Variants in SEC24A observed in about 807,000 individuals in gnomAD.
SEC24A encodes the protein SEC24 homolog A, COPII component, also known as protein transport protein Sec24A.
In SEC24A, 93 loss-of-function variants were observed where a neutral mutation model predicts 129.4. That is an observed-to-expected ratio of 0.72 (90% CI 0.61 to 0.85). The LOEUF (loss-of-function observed/expected upper bound fraction) is 0.85, where lower values mean the gene tolerates loss of function less well. SEC24A is among the 40% of genes least tolerant of loss of function. The probability of loss-of-function intolerance (pLI) is 0.00; values close to 1 mark genes in which losing one functional copy is unlikely to be tolerated. For missense variants in SEC24A, 1,264 were observed against 1,307.4 expected, an observed-to-expected ratio of 0.97 and a Z score of 0.51; for synonymous variants, 460 against 467.3, an observed-to-expected ratio of 0.98 and a Z score of 0.20.
intron 1 of SEC24A, among the ~76,000 whole-genome samples, chr5:134,658,699 C>T (rs1750334644): frequency 1.3e-5 from 2 of 152,112 alleles, no homozygotes; most frequent in Admixed American, 1.3e-4. Context: ...AGCCACCATG[C>T]CCAACCTCTA....
chr5:134,695,539 C>G (rs1290325732), intron 13 of SEC24A, among the ~76,000 whole-genome samples: 1 of 152,138 alleles, frequency 6.6e-6, no homozygotes, highest in Admixed American at 6.5e-5. Flanking sequence ...GTAATTCCAG[C>G]ACTTTGGGAG....
At chr5:134,707,312 C>T (rs1441527933) in intron 17 of SEC24A, among the ~76,000 whole-genome samples, 1 of 151,852 alleles carries the variant, frequency 6.6e-6, no homozygotes, top group African/African-American at 2.4e-5. Flanking sequence ...ATTTGAAGAT[C>T]ACTGCCTTTA....
chr5:134,657,249 C>G (rs561961380), intron 1 of SEC24A, among the ~76,000 whole-genome samples: 3 of 151,234 alleles, frequency 2.0e-5, no homozygotes, highest in South Asian at 2.1e-4. Context: ...TAGGGACTTG[C>G]TATTGCCCAG....
chr5:134,681,658 G>A (rs1239866626), intron 8 of SEC24A, among the ~76,000 whole-genome samples: 1 of 151,998 alleles, frequency 6.6e-6, no homozygotes, highest in African/African-American at 2.4e-5. Context: ...GCTATTTCCT[G>A]AACTATAGCT....
chr5:134,662,818 A>G (rs1034371476), intron 2 of SEC24A, among the ~76,000 whole-genome samples: 3 of 152,146 alleles, frequency 2.0e-5, no homozygotes, highest in East Asian at 1.9e-4. Context: ...GTGAGCATCA[A>G]TCACTTGAAA....
intron 1 of SEC24A, among the ~76,000 whole-genome samples, chr5:134,653,007 A>G (rs1315098975): frequency 1.3e-5 from 2 of 149,260 alleles, no homozygotes; most frequent in Non-Finnish European, 3.0e-5. Flanking sequence ...GCGTTTCACC[A>G]TATTAGCTAG....
chr5:134,716,797 T>G (rs1427806996), intron 19 of SEC24A, among the ~76,000 whole-genome samples: 1 of 123,742 alleles, frequency 8.1e-6, no homozygotes, highest in Non-Finnish European at 1.6e-5. Context: ...CAAGATTCCA[T>G]CTCAAAAAAA....
rs1024650435 is a variant in SEC24A, at chr5:134,661,069, G to A, written c.98-50G>A. On this transcript the variant is annotated intron_variant, in intron 1 of 22. Coordinates refer to ENST00000398844, the MANE Select transcript of SEC24A (RefSeq NM_021982.3). ...TATATGTTTTACTTTATTTCTTAAA[G>A]TATTGCTATATTCGTTGGTAAGACT... 3.3e-6 allele frequency: 4 copies of A among 1,214,394 alleles called. No homozygotes were observed. In the East Asian group the frequency reaches 9.4e-5, roughly 28 times the overall value. The allele number at this position is 1,214,394 out of a possible 1,614,324, so 75.2% of individuals were successfully genotyped here.
intron 2 of SEC24A, among the ~76,000 whole-genome samples, chr5:134,661,809 A>G (rs1197516364): frequency 7.2e-6 from 1 of 138,726 alleles, no homozygotes; most frequent in Middle Eastern, 3.3e-3. Context: ...TTTTTTTTTC[A>G]TTCTTTTTTC....
intron 12 of SEC24A, chr5:134,693,365 G>A (rs1389653154): frequency 2.2e-6 from 3 of 1,359,740 alleles, no homozygotes; most frequent in South Asian, 1.7e-5. Context: ...AGCTAAACTC[G>A]CTTTGGAACT....
chr5:134,723,934 T>C (rs1752690891), intron 22 of SEC24A, among the ~76,000 whole-genome samples: 1 of 152,198 alleles, frequency 6.6e-6, no homozygotes, highest in Admixed American at 6.5e-5. Flanking sequence ...CTAATTAACA[T>C]ATTCATCTTC....
At position 134,705,341 on chromosome 5, in the gene SEC24A, C is replaced by T. The variant is rs925687618; in HGVS notation, c.2455C>T (p.Arg819Cys). 8.1e-6 allele frequency: 13 copies of T among 1,612,270 alleles called. No homozygotes were observed. Among genetic ancestry groups the T allele is most frequent in the Non-Finnish European group, 5.1e-6 (6 of 1,178,928 alleles). The stretch of plus-strand genomic sequence containing the variant: ...TTTCCCCAAAGGCGAAAGAAGAATT[C>T]GTGTTCATACTTTGTGTTTGCCAGT... ...YTSSKGERRI[R>C]VHTLCLPVVS... is the part of the protein sequence containing the mutation. The change falls in exon 17 of 23, where the codon CGT (arginine) becomes TGT (cysteine). Residue 819 changes from arginine (R) to cysteine (C), a missense_variant. Coordinates refer to ENST00000398844, the MANE Select transcript of SEC24A (RefSeq NM_021982.3).
chr5:134,691,392 C>T (rs1169593970), intron 11 of SEC24A, among the ~76,000 whole-genome samples: 2 of 150,970 alleles, frequency 1.3e-5, no homozygotes, highest in African/African-American at 4.9e-5. Flanking sequence ...TGGTCTTGAA[C>T]TCCTGACCTC....
At position 134,720,912 on chromosome 5, in the gene SEC24A, A is replaced by G. The variant is rs1012899274; in HGVS notation, c.2971-86A>G. On this transcript the variant is annotated intron_variant, in intron 20 of 22. Transcript: ENST00000398844. The stretch of plus-strand genomic sequence containing the variant: ...GTGAGACCCTATCTCACAAATATAT[A>G]TATAAAATAAAAATAAAATGTACTC... 5.7e-5 allele frequency: 39 copies of G among 682,414 alleles called. 1 individual carries two copies. The highest frequency in any genetic ancestry group is 9.3e-5 in the Non-Finnish European group (37 of 396,270). 42.3% of individuals were successfully genotyped at this position (682,414 alleles called of 1,614,324 possible). A position where few individuals can be genotyped will look rare whatever the true frequency, so the allele number is the denominator to read the frequency against.
Position 134,692,665 on chromosome 5 carries a change from A to G in SEC24A, c.1779+8A>G. The G allele has an allele frequency of 7.1e-7, 1 of 1,404,046 alleles. No individual in the cohort carries two copies. 87.0% of individuals were successfully genotyped at this position (1,404,046 alleles called of 1,614,324 possible). A position where few individuals can be genotyped will look rare whatever the true frequency, so the allele number is the denominator to read the frequency against. Reference sequence around the variant, plus strand: ...TTAAATGAAAGTAAAGAGGTAAGGCACATTTTCCTACCTGACATGTTTAAT... The same window carrying G: ...TTAAATGAAAGTAAAGAGGTAAGGCGCATTTTCCTACCTGACATGTTTAAT... On this transcript the variant is annotated splice_region_variant and intron_variant, in intron 12 of 22. Coordinates refer to ENST00000398844, the MANE Select transcript of SEC24A (RefSeq NM_021982.3).
chr5:134,705,974 A>T, intron 17 of SEC24A, among the ~76,000 whole-genome samples: 1 of 146,862 alleles, frequency 6.8e-6, no homozygotes, highest in South Asian at 2.1e-4. Flanking sequence ...CACAACCTCT[A>T]TCTCCTGGGT....
At position 134,705,887 on chromosome 5, in the gene SEC24A, CTTT is replaced by C. The variant is rs548555016; in HGVS notation, c.2551+465_2551+467del. ...TTGTCTACACTGAACTTAGCTATATCTTTTTTTTTTTTTTTTTGAGATGGAGTC... is the reference window on the plus strand; with the variant it reads ...TTGTCTACACTGAACTTAGCTATATCTTTTTTTTTTTTTTGAGATGGAGTC... On this transcript the variant is annotated intron_variant, in intron 17 of 22. Coordinates refer to ENST00000398844, the MANE Select transcript of SEC24A (RefSeq NM_021982.3). 4.1e-3 allele frequency among the ~76,000 whole-genome samples: 580 copies of C among 140,536 alleles called. 3 individuals carry two copies. The highest frequency in any genetic ancestry group is 0.04 in the Middle Eastern group (11 of 278). The allele number at this position is 140,536 out of a possible 152,430, so 92.2% of individuals were successfully genotyped here.
At position 134,649,074 on chromosome 5, in the gene SEC24A, A is replaced by T; in HGVS notation, c.-3A>T. ...CCGACCAGCCCCTTCCAACCCAGTC[A>T]TCATGTCCCAGCCGGGAATACCGGC... On this transcript the variant is annotated 5_prime_UTR_variant, in exon 1 of 23. Coordinates refer to ENST00000398844, the MANE Select transcript of SEC24A (RefSeq NM_021982.3). 1.2e-6 allele frequency: 2 copies of T among 1,606,956 alleles called. No homozygotes were observed. The highest frequency in any genetic ancestry group is 1.7e-6 in the Non-Finnish European group (2 of 1,176,444).
In SEC24A at chr5:134,686,822, T is replaced by A; in HGVS notation, c.1524T>A (p.Phe508Leu). 6.2e-7 allele frequency: 1 copy of A among 1,609,060 alleles called. No individual in the cohort carries two copies. Among genetic ancestry groups the A allele is most frequent in the Non-Finnish European group, 8.5e-7 (1 of 1,177,918 alleles). The change falls in exon 10 of 23, where the codon TTT becomes TTA. Residue 508 changes from phenylalanine to leucine, a missense_variant. Phe to Leu is a conservative substitution (Grantham distance 22). Transcript: ENST00000398844. The part of the protein sequence containing the change: ...LRPPQPPVYL[F>L]VFDVSHNAVE... Reference sequence around the variant, plus strand: ...CACCTCAGCCTCCAGTGTATCTCTTTGTATTTGATGTGTCTCACAATGCAG... The same window carrying A: ...CACCTCAGCCTCCAGTGTATCTCTTAGTATTTGATGTGTCTCACAATGCAG...
Sources: allele counts gnomAD v4.1 joint callset (sites outside exome capture counted in the v4.1 genomes callset), GRCh38; gene constraint gnomAD v4.1.1; transcripts MANE v1.5; gene names NCBI Gene and HGNC (gene_info 2026-07-23, HGNC 2026-07-21).